Variants in RGS7 observed in about 807,000 individuals in gnomAD.
The protein encoded by RGS7 is regulator of G-protein signaling 7.
A neutral mutation model predicts 81.1 loss-of-function variants in RGS7; 27 were observed. The observed-to-expected ratio is 0.33, with a 90% CI of 0.25 to 0.46. The LOEUF (loss-of-function observed/expected upper bound fraction) is 0.46, where lower values mean the gene tolerates loss of function less well. Among genes scored for constraint, RGS7 ranks in the 20% least tolerant of loss-of-function variants. The pLI is 1.00. For missense variants in RGS7, 396 were observed against 607.4 expected (o/e 0.65, Z 3.66); for synonymous variants, 208 against 207.7 (o/e 1.00, Z -0.01).
chr1:240,847,065 G>A (rs1442182914), intron 9 of RGS7, among the ~76,000 whole-genome samples: 1 of 152,130 alleles, frequency 6.6e-6, no homozygotes, highest in Non-Finnish European at 1.5e-5. Context: ...GGGATAATTT[G>A]TTATACGGCA....
intron 3 of RGS7, among the ~76,000 whole-genome samples, chr1:241,082,807 T>G (rs1201355094): frequency 2.6e-5 from 4 of 152,244 alleles, no homozygotes; most frequent in Non-Finnish European, 5.9e-5. Context: ...ACTTTATATA[T>G]GTATCAATAT....
chr1:240,915,311 C>T (rs952519920), intron 6 of RGS7, among the ~76,000 whole-genome samples: 2 of 152,110 alleles, frequency 1.3e-5, no homozygotes, highest in African/African-American at 2.4e-5. Flanking sequence ...ACCCCCAAAA[C>T]CCAAGGAGCA....
chr1:241,018,159 AT>A (rs2059361130), intron 3 of RGS7, among the ~76,000 whole-genome samples: 1 of 72,648 alleles, frequency 1.4e-5, no homozygotes, highest in Non-Finnish European at 2.9e-5. Flanking sequence ...TTTTTTTTGT[AT>A]TTTTAGTAGA....
At chr1:240,884,615 C>A (rs1334043097) in intron 6 of RGS7, among the ~76,000 whole-genome samples, 1 of 152,130 alleles carries the variant, frequency 6.6e-6, no homozygotes, top group Admixed American at 6.5e-5. Flanking sequence ...TTCCTGCAAC[C>A]ATTTGATCTT....
intron 2 of RGS7, among the ~76,000 whole-genome samples, chr1:241,285,934 A>G (rs1274321162): frequency 6.6e-6 from 1 of 152,226 alleles, no homozygotes; most frequent in African/African-American, 2.4e-5. Context: ...ATGATCAATC[A>G]CATCCCTTAT....
chr1:240,890,910 C>T (rs1033722506), intron 6 of RGS7, among the ~76,000 whole-genome samples: 11 of 152,168 alleles, frequency 7.2e-5, no homozygotes, highest in Non-Finnish European at 1.3e-4. Flanking sequence ...AGTTTAATAT[C>T]CAATGGCAAG....
rs1682897536 is a variant in RGS7 at position 240,776,218 on chromosome 1, G to T, written c.*7-5C>A. 2 of 1,603,246 alleles carry T rather than the reference G, an allele frequency of 1.2e-6. No individual in the cohort carries two copies. Among genetic ancestry groups the T allele is most frequent in the Non-Finnish European group, 1.7e-6 (2 of 1,170,202 alleles). ...CTTGGACGTGAGAGATTTCCCCTGA[G>T]AAAATATATAAAACAAGAGAAAAGA... On this transcript the variant is annotated splice_polypyrimidine_tract_variant and splice_region_variant and intron_variant, in intron 18 of 18. Coordinates refer to ENST00000440928, the MANE Select transcript of RGS7 (RefSeq NM_001364886.1).
intron 9 of RGS7, among the ~76,000 whole-genome samples, chr1:240,850,311 A>G (rs1659878478): frequency 6.6e-6 from 1 of 152,140 alleles, no homozygotes; most frequent in Admixed American, 6.5e-5. Context: ...GATTTTGGCA[A>G]TTCTAGTAAT....
At chr1:240,782,130 C>A (rs1157850189) in intron 18 of RGS7, among the ~76,000 whole-genome samples, 1 of 152,158 alleles carries the variant, frequency 6.6e-6, no homozygotes, top group African/African-American at 2.4e-5. Flanking sequence ...AAACCATGTG[C>A]AAATCCTGCC....
In RGS7 at chr1:241,087,848, C is replaced by A. The variant is rs574216671; in HGVS notation, c.175+10818G>T. Among the ~76,000 whole-genome samples, 450 of 151,770 alleles carry A rather than the reference C, an allele frequency of 3.0e-3. 1 individual carries two copies. Among genetic ancestry groups the A allele is most frequent in the Middle Eastern group, 0.024 (7 of 292 alleles). On this transcript the variant is annotated intron_variant, in intron 3 of 18. Transcript: ENST00000440928. ...CCTGTAATCCCAGCTACTCGGGAGGCTGAGGCAGGAGAATCGCTTGAACCC... is the reference window on the plus strand; with the variant it reads ...CCTGTAATCCCAGCTACTCGGGAGGATGAGGCAGGAGAATCGCTTGAACCC...
At chr1:240,790,694 T>G (rs367589960) in intron 18 of RGS7, among the ~76,000 whole-genome samples, 1 of 152,280 alleles carries the variant, frequency 6.6e-6, no homozygotes, top group African/African-American at 2.4e-5. Flanking sequence ...TCTCAGATAC[T>G]CAGGAGCTGC....
chr1:241,124,290 G>T (rs900907999), intron 2 of RGS7, among the ~76,000 whole-genome samples: 1 of 152,028 alleles, frequency 6.6e-6, no homozygotes, highest in Non-Finnish European at 1.5e-5. Flanking sequence ...AGCTACCTGG[G>T]AGGCTAAAGT....
At chr1:241,245,693 G>C (rs2076494578) in intron 2 of RGS7, among the ~76,000 whole-genome samples, 1 of 151,976 alleles carries the variant, frequency 6.6e-6, no homozygotes, top group Non-Finnish European at 1.5e-5. Flanking sequence ...TGTAATCCTA[G>C]CTACTCGGGA....
rs542525349 is a variant in RGS7, at chr1:240,914,310, T to C, written c.385+16407A>G. Among the ~76,000 whole-genome samples the C allele has an allele frequency of 2.0e-5, 3 of 152,234 alleles. No homozygotes were observed. The South Asian group carries it at 6.2e-4, about 32-fold the overall frequency. ...CTTATTAGCATTCTGCTTAGATAAA[T>C]ACAATCTTATTTTATTTCTCTCTCC... is the stretch of plus-strand genomic sequence containing the variant. On this transcript the variant is annotated intron_variant, in intron 6 of 18. Coordinates refer to ENST00000440928, the MANE Select transcript of RGS7 (RefSeq NM_001364886.1).
At chr1:240,812,934 CT>C (rs1224565922) in intron 13 of RGS7, among the ~76,000 whole-genome samples, 1 of 152,144 alleles carries the variant, frequency 6.6e-6, no homozygotes, top group Non-Finnish European at 1.5e-5. Context: ...AGGAAGAGTT[CT>C]GGGCATGTCC....
intron 2 of RGS7, among the ~76,000 whole-genome samples, chr1:241,311,283 C>T (rs1277323263): frequency 6.6e-6 from 1 of 152,092 alleles, no homozygotes; most frequent in Non-Finnish European, 1.5e-5. Context: ...AGAAAAGAAA[C>T]AGGGTGCAAC....
At chr1:240,961,324 T>TCTC (rs199581702) in intron 4 of RGS7, among the ~76,000 whole-genome samples, 1 of 9,158 alleles carries the variant, frequency 1.1e-4, no homozygotes, top group African/African-American at 1.6e-4. Flanking sequence ...TCCTCTGCCA[T>TCTC]CTCCTCCTCA....
intron 3 of RGS7, among the ~76,000 whole-genome samples, chr1:241,061,637 G>A (rs1179697996): frequency 6.6e-6 from 1 of 152,182 alleles, no homozygotes; most frequent in Non-Finnish European, 1.5e-5. Context: ...GGCTAAGGCA[G>A]GGGAGAGTAG....
intron 2 of RGS7, among the ~76,000 whole-genome samples, chr1:241,153,809 A>T (rs528323481): frequency 6.6e-6 from 1 of 152,332 alleles, no homozygotes; most frequent in African/African-American, 2.4e-5. Flanking sequence ...ACAGCAAGGG[A>T]AAGTCCTAAT....
Sources: gnomAD v4.1 joint callset for allele counts (sites outside exome capture counted in the v4.1 genomes callset) on GRCh38, gnomAD v4.1.1 for gene constraint, MANE v1.5 for transcripts, NCBI Gene and HGNC (gene_info 2026-07-23, HGNC 2026-07-21) for gene names.